Variants in DRC11 observed in about 807,000 individuals in gnomAD.
DRC11 encodes the protein IQ and AAA domain-containing protein 1.
chr2:236,401,860 G>A, the DRC11 span, among the ~76,000 whole-genome samples: 3 of 152,130 alleles, frequency 2.0e-5, no homozygotes, highest in African/African-American at 4.8e-5. This position sits in a 1 kb window ranked among gnomAD's most constrained non-coding sequence, Gnocchi z 4.6. Context: ...TGCATCCCTC[G>A]TGATTTTTGC....
chr2:236,491,973 T>C, the DRC11 span, among the ~76,000 whole-genome samples: 7 of 152,174 alleles, frequency 4.6e-5, no homozygotes, highest in Admixed American at 1.3e-4. Context: ...TCAAAATGAA[T>C]TAATACTGTT....
chr2:236,385,117 T>C, the DRC11 span, among the ~76,000 whole-genome samples: 14,226 of 151,904 alleles, frequency 0.094, 1,206 homozygotes, highest in African/African-American at 0.22. Flanking sequence ...TTTGTTCTTT[T>C]GGCTTAGGAT....
the DRC11 span, among the ~76,000 whole-genome samples, chr2:236,491,337 G>A: frequency 3.4e-5 from 5 of 146,846 alleles, no homozygotes; most frequent in African/African-American, 5.1e-5. Flanking sequence ...TGGGGAAGTC[G>A]CAGCAGGGAA....
chr2:236,340,376 G>A, the DRC11 span, among the ~76,000 whole-genome samples: 4 of 152,146 alleles, frequency 2.6e-5, no homozygotes, highest in African/African-American at 4.8e-5. Flanking sequence ...TGCCCGCTTC[G>A]GCCTCCCAAA....
the DRC11 span, chr2:236,363,729 T>C: frequency 1.5e-6 from 2 of 1,363,094 alleles, no homozygotes; most frequent in African/African-American, 1.4e-5. This position sits in a 1 kb window ranked among gnomAD's most constrained non-coding sequence, Gnocchi z 5.6. Flanking sequence ...GGTTTGAAAA[T>C]GTAATTTGAA....
At chr2:236,423,436 C>A in the DRC11 span, among the ~76,000 whole-genome samples, 72,219 of 151,992 alleles carry the variant, frequency 0.48, 18,113 homozygotes, top group African/African-American at 0.63. Context: ...TGCAGCCAAA[C>A]GACACATGAA....
At chr2:236,415,311 TG>T in the DRC11 span, among the ~76,000 whole-genome samples, 1 of 152,228 alleles carries the variant, frequency 6.6e-6, no homozygotes, top group Non-Finnish European at 1.5e-5. This position sits in a 1 kb window ranked among gnomAD's most constrained non-coding sequence, Gnocchi z 5.7. Context: ...CTGTGAGGGC[TG>T]GGATAAGCCA....
At chr2:236,319,541 C>T in the DRC11 span, among the ~76,000 whole-genome samples, 2 of 152,168 alleles carry the variant, frequency 1.3e-5, no homozygotes, top group Admixed American at 1.3e-4. This position sits in a 1 kb window ranked among gnomAD's most constrained non-coding sequence, Gnocchi z 6.7. Context: ...GGTTAGTGGC[C>T]TTGGGAACTG....
chr2:236,346,296 G>A, the DRC11 span, among the ~76,000 whole-genome samples: 3 of 152,316 alleles, frequency 2.0e-5, no homozygotes, highest in South Asian at 2.1e-4. Flanking sequence ...CACACCTGGC[G>A]CTGCCTCCTC....
the DRC11 span, among the ~76,000 whole-genome samples, chr2:236,425,788 C>A: frequency 6.6e-6 from 1 of 151,954 alleles, no homozygotes; most frequent in Non-Finnish European, 1.5e-5. Flanking sequence ...ATGGCTTTCA[C>A]TCATTTTGAG....
At chr2:236,502,548 C>CAAAAAAAA in the DRC11 span, among the ~76,000 whole-genome samples, 29 of 15,092 alleles carry the variant, frequency 1.9e-3, 3 homozygotes, top group African/African-American at 2.9e-3. Context: ...TGCACTCCAG[C>CAAAAAAAA]AAAAAAAAAA....
chr2:236,344,554 C>T, the DRC11 span: 19 of 1,608,592 alleles, frequency 1.2e-5, 1 homozygote, highest in African/African-American at 1.1e-4. Flanking sequence ...AGAAAGTCCT[C>T]ACCATCTTTT....
chr2:236,338,425 G>T, the DRC11 span: 2 of 1,543,784 alleles, frequency 1.3e-6, no homozygotes, highest in Non-Finnish European at 1.8e-6. Context: ...TAGAAAAAAA[G>T]AATGAAAAAA....
chr2:236,425,168 G>A, the DRC11 span, among the ~76,000 whole-genome samples: 1 of 151,906 alleles, frequency 6.6e-6, no homozygotes, highest in South Asian at 2.1e-4. Context: ...ATTTCCTTTG[G>A]ATACATACTC....
the DRC11 span, among the ~76,000 whole-genome samples, chr2:236,439,977 T>C: frequency 6.6e-6 from 1 of 152,226 alleles, no homozygotes; most frequent in African/African-American, 2.4e-5. Context: ...AATCGTAAAA[T>C]ATGGTTCTTG....
the DRC11 span, among the ~76,000 whole-genome samples, chr2:236,310,085 G>C: frequency 6.6e-6 from 1 of 152,168 alleles, no homozygotes; most frequent in South Asian, 2.1e-4. This position sits in a 1 kb window ranked among gnomAD's most constrained non-coding sequence, Gnocchi z 5.5. Context: ...AGGGTGTAGG[G>C]CAGCCTGGCC....
chr2:236,450,314 CTTTTTT>C, the DRC11 span, among the ~76,000 whole-genome samples: 3 of 82,372 alleles, frequency 3.6e-5, no homozygotes, highest in East Asian at 3.1e-4. Context: ...CTTTTCTTTT[CTTTTTT>C]TTTTTTTTTT....
the DRC11 span, among the ~76,000 whole-genome samples, chr2:236,337,741 G>C: frequency 6.6e-6 from 1 of 151,724 alleles, no homozygotes; most frequent in African/African-American, 2.4e-5. This position sits in a 1 kb window ranked among gnomAD's most constrained non-coding sequence, Gnocchi z 4.9. Context: ...AATTGAAAAA[G>C]TAAGCTCTCG....
the DRC11 span, among the ~76,000 whole-genome samples, chr2:236,357,180 T>C: frequency 8.6e-6 from 1 of 116,382 alleles, no homozygotes; most frequent in Non-Finnish European, 1.7e-5. Context: ...ATATATTATA[T>C]ATATTCATAT....
Sources: gnomAD v4.1 joint callset for allele counts (sites outside exome capture counted in the v4.1 genomes callset) on GRCh38, gnomAD v4.1.1 for gene constraint, Gnocchi (gnomAD v3.1) non-coding constraint, MANE v1.5 for transcripts, NCBI Gene and HGNC (gene_info 2026-07-23, HGNC 2026-07-21) for gene names.